KIRREL3: variants seen among roughly 807,000 people sequenced by gnomAD.
The protein encoded by KIRREL3 is kin of IRRE-like protein 3.
In KIRREL3, 36 loss-of-function variants were observed where a neutral mutation model predicts 89.7. That is an observed-to-expected ratio of 0.40 (90% confidence interval 0.31 to 0.53). The LOEUF is 0.53. Ranked by LOEUF, KIRREL3 falls within the 20% of genes least tolerant of loss-of-function variation. KIRREL3 has a pLI of 0.49. For synonymous variants in KIRREL3, 445 were observed against 441.4 expected (o/e 1.01, Z -0.10); for missense variants, 864 against 1,056.6 (o/e 0.82, Z 2.53).
rs1239731197 is a variant in KIRREL3 at position 126,475,687 on chromosome 11, G to A, written c.434-2221C>T. ...GGATGGAGAAGACGACCCCCCAGCC[G>A]CCCACCCCACACCCTTTCATTAGTG... On this transcript the variant is annotated intron_variant, in intron 4 of 16. Transcript: ENST00000525144. The surrounding 1 kb of genome is among the most constrained non-coding windows in gnomAD (Gnocchi z 7.5). Among the ~76,000 whole-genome samples the A allele has an allele frequency of 1.3e-5, 2 of 152,180 alleles. No individual in the cohort carries two copies. Among genetic ancestry groups the A allele is most frequent in the African/African-American group, 2.4e-5 (1 of 41,452 alleles).
chr11:126,657,736 C>T (rs1392153525), intron 1 of KIRREL3, among the ~76,000 whole-genome samples: 16 of 152,170 alleles, frequency 1.1e-4, no homozygotes, highest in Admixed American at 1.0e-3. Context: ...CTGGGTGGAC[C>T]TGCGCAACTC....
At chr11:126,902,801 A>G (rs951852200) in intron 1 of KIRREL3, among the ~76,000 whole-genome samples, 2 of 152,204 alleles carry the variant, frequency 1.3e-5, no homozygotes, top group African/African-American at 2.4e-5. Context: ...CATGGAAGAG[A>G]TGCAATTTTG....
chr11:126,972,802 A>G (rs1427135443), intron 1 of KIRREL3, among the ~76,000 whole-genome samples: 1 of 152,018 alleles, frequency 6.6e-6, no homozygotes, highest in Non-Finnish European at 1.5e-5. Context: ...TTCTTTCCTT[A>G]CCTTGATCAA....
chr11:126,569,175 C>A lies in KIRREL3; in HGVS notation c.56-6263G>T, dbSNP rs1408102051. ...AATGGACAAAGAGACATGTCTGTATCAGAGTAGGGTGATGACAAAGGAAGC... is the reference window on the plus strand; with the variant it reads ...AATGGACAAAGAGACATGTCTGTATAAGAGTAGGGTGATGACAAAGGAAGC... On this transcript the variant is annotated intron_variant, in intron 1 of 16. Coordinates refer to ENST00000525144, the MANE Select transcript of KIRREL3 (RefSeq NM_032531.4). This position sits in a 1 kb window ranked among gnomAD's most constrained non-coding sequence, Gnocchi z 6.5. 6.6e-6 allele frequency among the ~76,000 whole-genome samples: 1 copy of A among 152,080 alleles called. No homozygotes were observed. The highest frequency in any genetic ancestry group is 1.5e-5 in the Non-Finnish European group (1 of 68,020).
chr11:126,908,039 C>A lies in KIRREL3; in HGVS notation c.55+92416G>T, dbSNP rs1261146329. 6.6e-6 allele frequency among the ~76,000 whole-genome samples: 1 copy of A among 152,180 alleles called. No homozygotes were observed. The highest frequency in any genetic ancestry group is 1.5e-5 in the Non-Finnish European group (1 of 68,036). ...CCACCCAAAAGACACCCCCCAAATT[C>A]TTCCCTGCTTTCTTTTCCTCCATAG... On this transcript the variant is annotated intron_variant, in intron 1 of 16. Coordinates refer to ENST00000525144, the MANE Select transcript of KIRREL3 (RefSeq NM_032531.4). The surrounding 1 kb of genome is among the most constrained non-coding windows in gnomAD (Gnocchi z 4.2).
chr11:126,642,253 T>C lies in KIRREL3; in HGVS notation c.56-79341A>G, dbSNP rs376329567. On this transcript the variant is annotated intron_variant, in intron 1 of 16. Transcript: ENST00000525144. The surrounding 1 kb of genome is among the most constrained non-coding windows in gnomAD (Gnocchi z 4.9). ...CTTCCTGCACTGGTCTCATTGGGGT[T>C]GGTGGTTAGTTCTCACTTTCCCCAT... Among the ~76,000 whole-genome samples, 16 of 152,354 alleles carry C rather than the reference T, an allele frequency of 1.1e-4. No homozygotes were observed. The highest frequency in any genetic ancestry group is 3.6e-4 in the African/African-American group (15 of 41,576).
In KIRREL3 at chr11:126,445,175, CA is replaced by C. The variant is rs1372623909; in HGVS notation, c.1126-71del. 5 of 1,573,056 alleles carry C rather than the reference CA, an allele frequency of 3.2e-6. No individual in the cohort carries two copies. The African/African-American group carries it at 6.7e-5, about 21-fold the overall frequency. ...TGCACTCTTGTCTCTGGGAACAAGG[CA>C]GCTGAGAGGCTGGCCTGGGGTAACT... On this transcript the variant is annotated intron_variant, in intron 9 of 16. Coordinates refer to ENST00000525144, the MANE Select transcript of KIRREL3 (RefSeq NM_032531.4).
In KIRREL3 at chr11:126,576,774, T is replaced by C. The variant is rs765654683; in HGVS notation, c.56-13862A>G. Among the ~76,000 whole-genome samples, 2 of 152,208 alleles carry C rather than the reference T, an allele frequency of 1.3e-5. No homozygotes were observed. The highest frequency in any genetic ancestry group is 2.9e-5 in the Non-Finnish European group (2 of 68,036). On this transcript the variant is annotated intron_variant, in intron 1 of 16. Coordinates refer to ENST00000525144, the MANE Select transcript of KIRREL3 (RefSeq NM_032531.4). This position sits in a 1 kb window ranked among gnomAD's most constrained non-coding sequence, Gnocchi z 5.4. Reference sequence around the variant, plus strand: ...TTTTGATGCACACTGAGAGGGTCCTTTTTAATCAGCTGAGGAGCAAGGGAT... The same window carrying C: ...TTTTGATGCACACTGAGAGGGTCCTCTTTAATCAGCTGAGGAGCAAGGGAT...
In KIRREL3 at chr11:126,724,153, A is replaced by C. The variant is rs1948285262; in HGVS notation, c.56-161241T>G. Among the ~76,000 whole-genome samples, 1 of 152,184 alleles carries C rather than the reference A, an allele frequency of 6.6e-6. No homozygotes were observed. The highest frequency in any genetic ancestry group is 1.5e-5 in the Non-Finnish European group (1 of 68,036). On this transcript the variant is annotated intron_variant, in intron 1 of 16. Transcript: ENST00000525144. This position sits in a 1 kb window ranked among gnomAD's most constrained non-coding sequence, Gnocchi z 4.3. ...ACCCCAACTGTTCCCACTTGACTTAAGAGACAATGTGGGGAAGAACATCAC... is the reference window on the plus strand; with the variant it reads ...ACCCCAACTGTTCCCACTTGACTTACGAGACAATGTGGGGAAGAACATCAC...
chr11:126,999,055 T>C lies in KIRREL3; in HGVS notation c.55+1400A>G, dbSNP rs1352149195. Among the ~76,000 whole-genome samples, 1 of 151,688 alleles carries C rather than the reference T, an allele frequency of 6.6e-6. No homozygotes were observed. Reference sequence around the variant, plus strand: ...CTATACCAGTGTTCTGAGAGAGTTCTTATTCATTCAGCCTGAAACTCTGGG... The same window carrying C: ...CTATACCAGTGTTCTGAGAGAGTTCCTATTCATTCAGCCTGAAACTCTGGG... On this transcript the variant is annotated intron_variant, in intron 1 of 16. Coordinates refer to ENST00000525144, the MANE Select transcript of KIRREL3 (RefSeq NM_032531.4). This position sits in a 1 kb window ranked among gnomAD's most constrained non-coding sequence, Gnocchi z 5.7.
At position 126,837,534 on chromosome 11, in the gene KIRREL3, G is replaced by A. The variant is rs1233337115; in HGVS notation, c.55+162921C>T. 6.6e-6 allele frequency among the ~76,000 whole-genome samples: 1 copy of A among 152,070 alleles called. No homozygotes were observed. Among genetic ancestry groups the A allele is most frequent in the African/African-American group, 2.4e-5 (1 of 41,400 alleles). ...GAATCGGATCTTGTCTAGGACACAG[G>A]TCCAGATTTAAAAGAACTCCTCTTC... On this transcript the variant is annotated intron_variant, in intron 1 of 16. Transcript: ENST00000525144. The surrounding 1 kb of genome is among the most constrained non-coding windows in gnomAD (Gnocchi z 4.7).
In KIRREL3 at chr11:126,860,026, C is replaced by T. The variant is rs986370770; in HGVS notation, c.55+140429G>A. On this transcript the variant is annotated intron_variant, in intron 1 of 16. Coordinates refer to ENST00000525144, the MANE Select transcript of KIRREL3 (RefSeq NM_032531.4). The surrounding 1 kb of genome is among the most constrained non-coding windows in gnomAD (Gnocchi z 4.6). Reference sequence around the variant, plus strand: ...TTAGAGCTGTATTAACTCTGACGTTCTACTATTGTCTGAGAAGCGTAATCT... The same window carrying T: ...TTAGAGCTGTATTAACTCTGACGTTTTACTATTGTCTGAGAAGCGTAATCT... 6.6e-6 allele frequency among the ~76,000 whole-genome samples: 1 copy of T among 152,092 alleles called. No homozygotes were observed. The highest frequency in any genetic ancestry group is 1.5e-5 in the Non-Finnish European group (1 of 68,044).
At chr11:126,820,840 C>G (rs1379805859) in intron 1 of KIRREL3, among the ~76,000 whole-genome samples, 1 of 152,154 alleles carries the variant, frequency 6.6e-6, no homozygotes, top group Non-Finnish European at 1.5e-5. Flanking sequence ...ACTTATCCCC[C>G]TTTTCCAGGT....
At chr11:126,850,468 C>A (rs1441673371) in intron 1 of KIRREL3, among the ~76,000 whole-genome samples, 1 of 152,154 alleles carries the variant, frequency 6.6e-6, no homozygotes, top group Non-Finnish European at 1.5e-5. Flanking sequence ...CAAAGCTAAC[C>A]CAGACCTGTC....
chr11:126,847,289 C>G (rs1053885441), intron 1 of KIRREL3, among the ~76,000 whole-genome samples: 5 of 152,030 alleles, frequency 3.3e-5, no homozygotes, highest in African/African-American at 1.2e-4. Flanking sequence ...TCTGATAGCA[C>G]TTGGTGTAGA....
At position 126,440,532 on chromosome 11, in the gene KIRREL3, TG is replaced by T; in HGVS notation, c.1269del (p.Ser424AlafsTer60). 6.2e-7 allele frequency: 1 copy of T among 1,600,124 alleles called. No homozygotes were observed. Among genetic ancestry groups the T allele is most frequent in the Non-Finnish European group, 8.5e-7 (1 of 1,173,768 alleles). On this transcript the variant is annotated frameshift_variant, in exon 11 of 17. Transcript: ENST00000525144. LOFTEE classifies it high-confidence loss of function. The stretch of plus-strand genomic sequence containing the variant: ...TGGAGGGCGTGCTGGGTCTGGGTGC[TG>T]GAGATGATGGGGGGTCCTGTTGAGA... The part of the protein sequence containing the change: ...TLTVNGPPII[S>X]STQTQHALHG...
rs559532708 is a variant in KIRREL3 at position 126,502,510 on chromosome 11, A to C, written c.433+18805T>G. Among the ~76,000 whole-genome samples the C allele has an allele frequency of 3.9e-5, 6 of 152,262 alleles. No individual in the cohort carries two copies. The East Asian group carries it at 1.2e-3, about 29-fold the overall frequency. ...GCTAAAAACCTCCCTCTGGAGAACC[A>C]TTTTCTGCTATAGATTTTTAAGACC... On this transcript the variant is annotated intron_variant, in intron 4 of 16. Coordinates refer to ENST00000525144, the MANE Select transcript of KIRREL3 (RefSeq NM_032531.4).
rs1414024797 is a variant in KIRREL3, at chr11:126,568,141, C to A, written c.56-5229G>T. ...AAAAAGATGAGACAGGAGATCTAGCCAGGGACCAGATCCTGGAGTAGCCAA... is the reference window on the plus strand; with the variant it reads ...AAAAAGATGAGACAGGAGATCTAGCAAGGGACCAGATCCTGGAGTAGCCAA... On this transcript the variant is annotated intron_variant, in intron 1 of 16. Transcript: ENST00000525144. This position sits in a 1 kb window ranked among gnomAD's most constrained non-coding sequence, Gnocchi z 4.6. Among the ~76,000 whole-genome samples, 1 of 152,112 alleles carries A rather than the reference C, an allele frequency of 6.6e-6. No homozygotes were observed. The highest frequency in any genetic ancestry group is 1.5e-5 in the Non-Finnish European group (1 of 68,020).
chr11:126,945,755 C>T (rs1026574010), intron 1 of KIRREL3, among the ~76,000 whole-genome samples: 1 of 152,128 alleles, frequency 6.6e-6, no homozygotes, highest in Admixed American at 6.5e-5. Flanking sequence ...ATCATCCTAA[C>T]GTTGACAACA....
Sources: gnomAD v4.1 joint callset for allele counts (sites outside exome capture counted in the v4.1 genomes callset) on GRCh38, gnomAD v4.1.1 for gene constraint, Gnocchi (gnomAD v3.1) non-coding constraint, MANE v1.5 for transcripts, NCBI Gene and HGNC (gene_info 2026-07-23, HGNC 2026-07-21) for gene names.